Variants in KIF27 observed in about 807,000 individuals in gnomAD.
KIF27 encodes kinesin family member 27.
Under a neutral mutation model 141.8 loss-of-function variants are expected in KIF27, and 84 were observed. That is an observed-to-expected ratio of 0.59 (90% CI 0.50 to 0.71). The LOEUF (loss-of-function observed/expected upper bound fraction) is 0.71. Among genes scored for constraint, KIF27 ranks in the 30% least tolerant of loss-of-function variants. The probability of loss-of-function intolerance (pLI) is 0.00; values close to 1 mark genes in which losing one functional copy is unlikely to be tolerated. For synonymous variants in KIF27, 471 were observed against 569.5 expected, an observed-to-expected ratio of 0.83 and a Z score of 2.46; for missense variants, 1,306 against 1,628.4, an observed-to-expected ratio of 0.80 and a Z score of 3.41.
At chr9:83,911,081 T>C (rs780354199) in intron 2 of KIF27, among the ~76,000 whole-genome samples, 6 of 152,216 alleles carry the variant, frequency 3.9e-5, no homozygotes, top group Non-Finnish European at 8.8e-5. Context: ...TCTTTTTCTT[T>C]TTTGAGACAG....
At chr9:83,854,636 A>G (rs1314259824) in intron 14 of KIF27, among the ~76,000 whole-genome samples, 1 of 152,118 alleles carries the variant, frequency 6.6e-6, no homozygotes, top group Non-Finnish European at 1.5e-5. Flanking sequence ...CTTGGGCCCA[A>G]GCGAACCTCC....
At chr9:83,849,938 G>A (rs1948346185) in intron 16 of KIF27, among the ~76,000 whole-genome samples, 161 bp downstream of exon 16, 1 of 152,184 alleles carries the variant, frequency 6.6e-6, no homozygotes, top group Admixed American at 6.5e-5. Context: ...AAAGTCAACT[G>A]TCCCAAAATG....
intron 8 of KIF27, 147 bp downstream of exon 8, chr9:83,888,342 C>A (rs1445815645): frequency 5.4e-5 from 23 of 423,926 alleles, no homozygotes; most frequent in Non-Finnish European, 9.8e-5. Flanking sequence ...AAACAGAGAA[C>A]ATAAAAGAAG....
intron 16 of KIF27, among the ~76,000 whole-genome samples, chr9:83,848,069 T>TGA: frequency 1.5e-4 from 1 of 6,498 alleles, no homozygotes; most frequent in South Asian, 5.3e-3. Context: ...ATCATATATA[T>TGA]GATATATGAT....
At chr9:83,876,046 C>T (rs1227159537) in intron 11 of KIF27, among the ~76,000 whole-genome samples, 13 of 152,060 alleles carry the variant, frequency 8.5e-5, no homozygotes, top group Admixed American at 6.6e-4. Context: ...AAAGATGACA[C>T]GTACATGCTT....
In KIF27 at chr9:83,835,198, TAATG is replaced by T. The variant is rs1421195299; in HGVS notation, c.*1799_*1802del. ...ATATATATATATGAAATATATATAA[TAATG>T]GCAAAAGGTCAGTGCATTTATACAT... On this transcript the variant is annotated 3_prime_UTR_variant, in exon 18 of 18. Coordinates refer to ENST00000297814, the MANE Select transcript of KIF27 (RefSeq NM_017576.4). Among the ~76,000 whole-genome samples, 6 of 150,254 alleles carry T rather than the reference TAATG, an allele frequency of 4.0e-5. No individual in the cohort carries two copies. The highest frequency in any genetic ancestry group is 6.7e-5 in the Admixed American group (1 of 15,016).
chr9:83,899,411 A>C lies in KIF27; in HGVS notation c.1602+250T>G, dbSNP rs2780081. 9.4e-5 allele frequency among the ~76,000 whole-genome samples: 14 copies of C among 148,436 alleles called. No individual in the cohort carries two copies. The East Asian group carries it at 2.7e-3, about 29-fold the overall frequency. ...GGAAAAGTATGGAAAAATAACCATG[A>C]TATGATTTATAAATTAATTTCCTGG... On this transcript the variant is annotated intron_variant, in intron 5 of 17. Coordinates refer to ENST00000297814, the MANE Select transcript of KIF27 (RefSeq NM_017576.4).
At chr9:83,902,923 T>C (rs1954077742) in intron 4 of KIF27, 137 bp downstream of exon 4, 1 of 536,962 alleles carries the variant, frequency 1.9e-6, no homozygotes, top group Non-Finnish European at 3.1e-6. Flanking sequence ...AGAATTTACT[T>C]GCCCAAATAA....
intron 16 of KIF27, among the ~76,000 whole-genome samples, chr9:83,848,381 A>G (rs1357151244): frequency 7.3e-6 from 1 of 136,336 alleles, no homozygotes; most frequent in East Asian, 2.0e-4. Context: ...ACATATATCT[A>G]TATATCATAT....
chr9:83,906,294 T>C (rs1954521587), intron 3 of KIF27, among the ~76,000 whole-genome samples: 1 of 152,142 alleles, frequency 6.6e-6, no homozygotes, highest in Admixed American at 6.5e-5. Context: ...AGGACAGGGC[T>C]ATAAAGATGC....
intron 11 of KIF27, among the ~76,000 whole-genome samples, chr9:83,871,518 C>T (rs1443384863): frequency 6.6e-6 from 1 of 152,032 alleles, no homozygotes; most frequent in Non-Finnish European, 1.5e-5. Context: ...GTTACTCCAC[C>T]CAAGACATCC....
intron 11 of KIF27, among the ~76,000 whole-genome samples, chr9:83,878,270 G>A (rs1951393474): frequency 6.6e-6 from 1 of 151,476 alleles, no homozygotes; most frequent in African/African-American, 2.4e-5. Context: ...ACAAAAGTGA[G>A]GAGAAATTAG....
In KIF27 at chr9:83,837,276, G is replaced by C. The variant is rs764086639; in HGVS notation, c.3931C>G (p.Pro1311Ala). 11 of 1,606,976 alleles carry C rather than the reference G, an allele frequency of 6.8e-6. No individual in the cohort carries two copies. Among genetic ancestry groups the C allele is most frequent in the Non-Finnish European group, 9.4e-6 (11 of 1,175,394 alleles). The change falls in exon 18 of 18, where the codon CCC becomes GCC. Residue 1311 changes from proline (P) to alanine (A), a missense_variant. Physicochemically the swap from Pro to Ala is conservative, Grantham distance 27. Transcript: ENST00000297814. ...TTACCTAACATATGCCCACTGGGGG[G>C]TGCTAAAGAACTATGAATTGGAGGT... is the stretch of plus-strand genomic sequence containing the variant. Reference protein sequence around the residue: ...ELPPIHSSLAPPSGHMLGNEN... With the variant: ...ELPPIHSSLAAPSGHMLGNEN...
At chr9:83,840,509 T>C (rs190261833) in intron 17 of KIF27, among the ~76,000 whole-genome samples, 1 of 152,274 alleles carries the variant, frequency 6.6e-6, no homozygotes, top group East Asian at 1.9e-4. Context: ...TATACCACCA[T>C]ACTACATTGT....
At chr9:83,876,031 G>C (rs558187843) in intron 11 of KIF27, among the ~76,000 whole-genome samples, 1 of 151,928 alleles carries the variant, frequency 6.6e-6, no homozygotes, top group Non-Finnish European at 1.5e-5. Flanking sequence ...TAAGAAAAAA[G>C]GATAAAAGAT....
At chr9:83,842,862 C>A (rs1372389441) in intron 16 of KIF27, among the ~76,000 whole-genome samples, 1 of 152,114 alleles carries the variant, frequency 6.6e-6, no homozygotes, top group Non-Finnish European at 1.5e-5. Flanking sequence ...TTTCAGCTAC[C>A]ATTTGGATTT....
chr9:83,876,031 G>A (rs558187843), intron 11 of KIF27, among the ~76,000 whole-genome samples: 1 of 152,044 alleles, frequency 6.6e-6, no homozygotes, highest in Non-Finnish European at 1.5e-5. Flanking sequence ...TAAGAAAAAA[G>A]GATAAAAGAT....
rs1480018113 is a variant in KIF27 at position 83,903,213 on chromosome 9, C to T, written c.1305G>A (p.Gln435=). The change falls in exon 4 of 18, where the codon CAG becomes CAA. Residue 435 remains glutamine, a synonymous_variant. Transcript: ENST00000297814. ...TAAACCACTCCTGCAGTTTGTGTTG[C>T]TGCTTTTCGTTTAGTCTGACAGTAT... ...LKDTVRLNEK[Q]QHKLQEWFNM... is the part of the protein sequence containing the mutation. 1.2e-6 allele frequency: 2 copies of T among 1,614,132 alleles called. No homozygotes were observed. The highest frequency in any genetic ancestry group is 2.7e-5 in the African/African-American group (2 of 75,018).
At chr9:83,856,892 G>A (rs965037931) in intron 14 of KIF27, among the ~76,000 whole-genome samples, 5 of 145,796 alleles carry the variant, frequency 3.4e-5, no homozygotes, top group Admixed American at 6.8e-5. Flanking sequence ...GAGTGACAGA[G>A]TGAGACTCCA....
Sources: allele counts gnomAD v4.1 joint callset (sites outside exome capture counted in the v4.1 genomes callset), GRCh38; gene constraint gnomAD v4.1.1; transcripts MANE v1.5; gene names NCBI Gene and HGNC (gene_info 2026-07-23, HGNC 2026-07-21).